Variants in LRRC7 observed in about 807,000 individuals in gnomAD.
LRRC7 encodes the protein leucine rich repeat containing 7.
In LRRC7, 23 loss-of-function variants were observed where a neutral mutation model predicts 175.7. The ratio of observed to expected loss-of-function variants is 0.13; its 90% CI spans 0.09 to 0.19. The LOEUF is 0.19. Ranked by LOEUF, LRRC7 falls within the 10% of genes least tolerant of loss-of-function variation. The pLI is 1.00. For missense variants in LRRC7, 1,354 were observed against 1,904.7 expected (o/e 0.71, Z 5.38); for synonymous variants, 685 against 680.9 (o/e 1.01, Z -0.09).
intron 4 of LRRC7, among the ~76,000 whole-genome samples, chr1:69,814,776 A>T (rs1055495792): frequency 2.6e-5 from 4 of 152,098 alleles, no homozygotes; most frequent in African/African-American, 9.7e-5. Flanking sequence ...TACTTTTCTA[A>T]ATGTGTTCCA....
chr1:69,732,646 A>G (rs1177395411), intron 2 of LRRC7, among the ~76,000 whole-genome samples: 1 of 152,062 alleles, frequency 6.6e-6, no homozygotes, highest in African/African-American at 2.4e-5. Flanking sequence ...AAGAAAACAG[A>G]ATTCTTCAAT....
At chr1:69,912,879 T>A (rs1251786078) in intron 7 of LRRC7, among the ~76,000 whole-genome samples, 1 of 152,226 alleles carries the variant, frequency 6.6e-6, no homozygotes, top group African/African-American at 2.4e-5. Flanking sequence ...TCTTTCTGTT[T>A]TTTTTAACAA....
intron 1 of LRRC7, among the ~76,000 whole-genome samples, chr1:69,641,178 C>T (rs1262508491): frequency 6.6e-6 from 1 of 151,588 alleles, no homozygotes; most frequent in Non-Finnish European, 1.5e-5. Flanking sequence ...TCTGGAACAA[C>T]AGTACTCAAA....
At chr1:69,645,565 G>T (rs1396526862) in intron 1 of LRRC7, among the ~76,000 whole-genome samples, 4 of 151,866 alleles carry the variant, frequency 2.6e-5, no homozygotes, top group Non-Finnish European at 5.9e-5. Context: ...TTCACTTTTA[G>T]AATGAGGCAC....
At chr1:69,653,180 C>T (rs919861003) in intron 1 of LRRC7, among the ~76,000 whole-genome samples, 1 of 152,054 alleles carries the variant, frequency 6.6e-6, no homozygotes, top group Non-Finnish European at 1.5e-5. Context: ...AAAATATTTA[C>T]ACATGACATA....
chr1:69,927,521 T>C (rs1415950902), intron 7 of LRRC7, among the ~76,000 whole-genome samples: 1 of 152,232 alleles, frequency 6.6e-6, no homozygotes, highest in Non-Finnish European at 1.5e-5. Context: ...TTATTCCTTT[T>C]TCTGTAAACT....
chr1:69,851,261 G>C (rs1482053613), intron 7 of LRRC7, among the ~76,000 whole-genome samples: 1 of 152,036 alleles, frequency 6.6e-6, no homozygotes, highest in Non-Finnish European at 1.5e-5. Context: ...GAGAAAATAG[G>C]GATTAGCAAA....
At chr1:70,028,005 C>G (rs1658305909) in intron 17 of LRRC7, among the ~76,000 whole-genome samples, 166 bp from the exon 18 acceptor site, 1 of 152,084 alleles carries the variant, frequency 6.6e-6, no homozygotes, top group African/African-American at 2.4e-5. Flanking sequence ...TCCCAGAAGG[C>G]TGAATATGAG....
At chr1:69,810,484 A>G (rs965065093) in intron 4 of LRRC7, among the ~76,000 whole-genome samples, 2 of 152,136 alleles carry the variant, frequency 1.3e-5, no homozygotes, top group African/African-American at 4.8e-5. Flanking sequence ...AAGCAAAAAG[A>G]ACAAACCTGG....
intron 23 of LRRC7, among the ~76,000 whole-genome samples, chr1:70,054,397 A>T (rs929032611): frequency 1.3e-5 from 2 of 152,188 alleles, no homozygotes; most frequent in East Asian, 3.9e-4. Context: ...AGCAAAACTC[A>T]AAATATATTA....
intron 1 of LRRC7, among the ~76,000 whole-genome samples, chr1:69,613,776 G>A (rs1749498): frequency 0.13 from 19,447 of 151,944 alleles, 1,572 homozygotes; most frequent in South Asian, 0.19. Flanking sequence ...TTTCATAACT[G>A]CTGGTGGATT....
chr1:69,602,125 C>T (rs914936135), intron 1 of LRRC7, among the ~76,000 whole-genome samples: 1 of 152,154 alleles, frequency 6.6e-6, no homozygotes, highest in African/African-American at 2.4e-5. Context: ...CTTTTATGTT[C>T]ACATGACTTT....
At chr1:69,857,034 G>A (rs2101506485) in intron 7 of LRRC7, among the ~76,000 whole-genome samples, 1 of 152,248 alleles carries the variant, frequency 6.6e-6, no homozygotes, top group African/African-American at 2.4e-5. Context: ...CTCAATAGAT[G>A]CAGAAAAGGC....
chr1:70,079,560 G>A (rs1663061629), intron 24 of LRRC7, among the ~76,000 whole-genome samples: 1 of 152,116 alleles, frequency 6.6e-6, no homozygotes, highest in Non-Finnish European at 1.5e-5. Flanking sequence ...AATACTACAG[G>A]TAAAACAAAA....
intron 25 of LRRC7, among the ~76,000 whole-genome samples, chr1:70,093,340 T>C (rs1558062519): frequency 6.6e-6 from 1 of 152,184 alleles, no homozygotes; most frequent in Admixed American, 6.6e-5. Flanking sequence ...ATTTATGTGA[T>C]CTTCATAACT....
chr1:70,075,972 C>T, intron 23 of LRRC7, 105 bp from the exon 24 acceptor site: 1 of 1,189,798 alleles, frequency 8.4e-7, no homozygotes, highest in Non-Finnish European at 1.2e-6. Context: ...GCTGAGAGCC[C>T]AAATGGTGCC....
At chr1:70,102,379 A>G (rs1664860089) in intron 25 of LRRC7, among the ~76,000 whole-genome samples, 2 of 152,224 alleles carry the variant, frequency 1.3e-5, no homozygotes, top group Admixed American at 6.5e-5. Flanking sequence ...TTCAGAGGAA[A>G]GATGGCAAAT....
Position 69,733,598 on chromosome 1 carries a change from T to C in LRRC7, c.101-26593T>C, listed in dbSNP as rs1667808166. On this transcript the variant is annotated intron_variant, in intron 2 of 26. Transcript: ENST00000651989. ...ATGCTAAAATAAAATTGTTGTAAAT[T>C]GGGGCCTCTCCTGTTGTAACTTCAA... Among the ~76,000 whole-genome samples, 3 of 152,028 alleles carry C rather than the reference T, an allele frequency of 2.0e-5. No individual in the cohort carries two copies. The South Asian group carries it at 6.2e-4, about 31-fold the overall frequency.
intron 2 of LRRC7, among the ~76,000 whole-genome samples, chr1:69,753,908 T>A (rs1317029879): frequency 6.6e-6 from 1 of 152,102 alleles, no homozygotes; most frequent in Non-Finnish European, 1.5e-5. Flanking sequence ...CTTTTTAATT[T>A]AAATTTTTTA....
Sources: gnomAD v4.1 joint callset for allele counts (sites outside exome capture counted in the v4.1 genomes callset) on GRCh38, gnomAD v4.1.1 for gene constraint, MANE v1.5 for transcripts, NCBI Gene and HGNC (gene_info 2026-07-23, HGNC 2026-07-21) for gene names.